The following RHOA variants were observed in gnomAD, a reference collection of about 807,000 sequenced individuals.
RHOA encodes transforming protein RhoA.
Under a neutral mutation model 17.5 loss-of-function variants are expected in RHOA, and 3 were observed. The observed-to-expected ratio is 0.17, with a 90% CI of 0.08 to 0.44. The LOEUF (loss-of-function observed/expected upper bound fraction) is 0.44. Among genes scored for constraint, RHOA ranks in the 20% least tolerant of loss-of-function variants. RHOA has a pLI of 0.99. For synonymous variants in RHOA, 98 were observed against 88.4 expected (o/e 1.11, Z -0.61); for missense variants, 56 against 242.3 (o/e 0.23, Z 5.10).
chr3:49,375,707 C>G, intron 1 of RHOA, 116 bp from the exon 2 acceptor site: 1 of 1,089,920 alleles, frequency 9.2e-7, no homozygotes, highest in South Asian at 1.6e-5. Flanking sequence ...TACTCAAATT[C>G]AAACTTCTAG....
chr3:49,371,979 G>C (rs1220868943), intron 2 of RHOA, among the ~76,000 whole-genome samples: 1 of 152,192 alleles, frequency 6.6e-6, no homozygotes, highest in Non-Finnish European at 1.5e-5. Flanking sequence ...GCAATTAACA[G>C]CCACTCTCTG....
chr3:49,362,574 C>A lies in RHOA; in HGVS notation c.330G>T (p.Val110=), dbSNP rs368767616. The A allele has an allele frequency of 2.5e-6, 4 of 1,613,436 alleles. No homozygotes were observed. The highest frequency in any genetic ancestry group is 1.3e-5 in the African/African-American group (1 of 74,898). Residue 110 remains valine (V), a synonymous_variant, in exon 4 of 5, where the codon GTG becomes GTT. Transcript: ENST00000418115. The part of the protein sequence containing the change: ...TPEVKHFCPN[V]PIILVGNKKD... The stretch of plus-strand genomic sequence containing the variant: ...TCTTATTCCCAACCAGGATGATGGG[C>A]ACGTTGGGACAGAAATGCTTGACTT...
chr3:49,365,781 G>A (rs966473766), intron 3 of RHOA, among the ~76,000 whole-genome samples: 1 of 151,736 alleles, frequency 6.6e-6, no homozygotes, highest in Non-Finnish European at 1.5e-5. Flanking sequence ...AGTAGCGACA[G>A]GATTTCACCA....
chr3:49,394,735 AC>A (rs1476706462), intron 1 of RHOA, among the ~76,000 whole-genome samples: 1 of 152,208 alleles, frequency 6.6e-6, no homozygotes, highest in Non-Finnish European at 1.5e-5. Flanking sequence ...GGAAAACAGC[AC>A]AATGTAATTA....
At chr3:49,402,992 G>A (rs1282902492) in intron 1 of RHOA, among the ~76,000 whole-genome samples, 1 of 150,306 alleles carries the variant, frequency 6.7e-6, no homozygotes, top group African/African-American at 2.5e-5. Context: ...AGTTGAGATC[G>A]TGCCACTGCA....
At position 49,360,087 on chromosome 3, in the gene RHOA, G is replaced by T; in HGVS notation, c.*122C>A. 2 of 1,116,190 alleles carry T rather than the reference G, an allele frequency of 1.8e-6. No individual in the cohort carries two copies. Among genetic ancestry groups the T allele is most frequent in the East Asian group, 2.4e-5 (1 of 40,928 alleles). 69.1% of individuals were successfully genotyped at this position (1,116,190 alleles called of 1,614,324 possible). A position where few individuals can be genotyped will look rare whatever the true frequency, so the allele number is the denominator to read the frequency against. ...GGCTTCTAAATACTGGTAGCAAGAT[G>T]ACTTCTGATTTGTAATCTTAGGTAA... On this transcript the variant is annotated 3_prime_UTR_variant, in exon 5 of 5. Transcript: ENST00000418115.
intron 1 of RHOA, among the ~76,000 whole-genome samples, chr3:49,382,168 A>G (rs184946453): frequency 6.6e-6 from 1 of 151,230 alleles, no homozygotes; most frequent in Non-Finnish European, 1.5e-5. Context: ...AAATACAAAA[A>G]ATTAGCCAGG....
intron 1 of RHOA, among the ~76,000 whole-genome samples, chr3:49,388,974 G>C (rs1359576827): frequency 1.3e-5 from 2 of 152,138 alleles, no homozygotes; most frequent in Admixed American, 6.6e-5. Flanking sequence ...CTCAGTAAAA[G>C]AAACCAGTCA....
chr3:49,380,566 G>T (rs546883645), intron 1 of RHOA, among the ~76,000 whole-genome samples: 1 of 151,562 alleles, frequency 6.6e-6, no homozygotes, highest in Non-Finnish European at 1.5e-5. Flanking sequence ...TTACCCAGGC[G>T]TGGTGGGGTG....
intron 1 of RHOA, among the ~76,000 whole-genome samples, 200 bp downstream of exon 1, chr3:49,411,619 CG>C (rs1305088725): frequency 6.6e-6 from 1 of 151,678 alleles, no homozygotes; most frequent in East Asian, 1.9e-4. Flanking sequence ...GGCGCGCTTC[CG>C]GGGACTGCGC....
At chr3:49,410,754 G>A (rs1241845157) in intron 1 of RHOA, among the ~76,000 whole-genome samples, 1 of 152,084 alleles carries the variant, frequency 6.6e-6, no homozygotes, top group Admixed American at 6.6e-5. Flanking sequence ...AAGTTTTTTG[G>A]TTTTTCAATT....
chr3:49,364,661 AAAATAAAT>A (rs549389235), intron 3 of RHOA, among the ~76,000 whole-genome samples: 1 of 151,992 alleles, frequency 6.6e-6, no homozygotes, highest in Admixed American at 6.6e-5. Flanking sequence ...ACTCCGTCTC[AAAATAAAT>A]AAATAAATAA....
At chr3:49,374,070 G>T (rs2107846757) in intron 2 of RHOA, among the ~76,000 whole-genome samples, 1 of 152,250 alleles carries the variant, frequency 6.6e-6, no homozygotes, top group East Asian at 1.9e-4. Flanking sequence ...AAATCTTTTG[G>T]CCGGGCACAG....
intron 1 of RHOA, among the ~76,000 whole-genome samples, chr3:49,382,135 TAG>T: frequency 6.7e-6 from 1 of 148,794 alleles, no homozygotes; most frequent in African/African-American, 2.5e-5. Flanking sequence ...CTGGCTAACA[TAG>T]TGAAATCCCG....
chr3:49,411,561 G>A (rs2048936536), intron 1 of RHOA, among the ~76,000 whole-genome samples: 1 of 152,010 alleles, frequency 6.6e-6, no homozygotes, highest in Non-Finnish European at 1.5e-5. Flanking sequence ...GGCAGCCTGG[G>A]CTCCACCAGG....
chr3:49,364,184 T>A (rs983167770), intron 3 of RHOA, among the ~76,000 whole-genome samples: 1 of 151,912 alleles, frequency 6.6e-6, no homozygotes, highest in Non-Finnish European at 1.5e-5. Context: ...ACCCCATCTC[T>A]ATTAAAAATA....
At chr3:49,381,161 T>C (rs1407443666) in intron 1 of RHOA, among the ~76,000 whole-genome samples, 1 of 151,896 alleles carries the variant, frequency 6.6e-6, no homozygotes, top group African/African-American at 2.4e-5. Flanking sequence ...TGCCAGCACT[T>C]TGGGAGGCTG....
intron 2 of RHOA, 134 bp from the exon 3 acceptor site, chr3:49,368,682 G>T: frequency 2.3e-6 from 2 of 854,738 alleles, no homozygotes; most frequent in Admixed American, 2.6e-5. Flanking sequence ...GTAAAACACA[G>T]GAGTATTTAC....
At chr3:49,404,701 G>A (rs1427201028) in intron 1 of RHOA, among the ~76,000 whole-genome samples, 1 of 149,324 alleles carries the variant, frequency 6.7e-6, no homozygotes, top group African/African-American at 2.5e-5. Flanking sequence ...GGCCAAGGCA[G>A]GCAGATTGCC....
Sources: allele counts gnomAD v4.1 joint callset (sites outside exome capture counted in the v4.1 genomes callset), GRCh38; gene constraint gnomAD v4.1.1; transcripts MANE v1.5; gene names NCBI Gene and HGNC (gene_info 2026-07-23, HGNC 2026-07-21).